Variants in RUFY4 observed in about 807,000 individuals in gnomAD.
RUFY4 encodes the protein RUN and FYVE domain containing 4.
Under a neutral mutation model 69.0 loss-of-function variants are expected in RUFY4, and 73 were observed. That is an observed-to-expected ratio of 1.06 (90% CI 0.88 to 1.29). The LOEUF is 1.29. RUFY4 is among the 50% of genes most tolerant of loss of function. The pLI is 0.00. For synonymous variants in RUFY4, 287 were observed against 271.8 expected (o/e 1.06, Z -0.55); for missense variants, 770 against 705.6 (o/e 1.09, Z -1.03).
At chr2:218,070,399 C>A, upstream of RUFY4, 1 of 623,930 alleles carries the variant, frequency 1.6e-6, no homozygotes, top group Non-Finnish European at 2.9e-6. Context: ...GTGGAGGCCA[C>A]ACCATCATCT....
upstream of RUFY4, chr2:218,070,425 C>T: frequency 1.5e-6 from 1 of 649,436 alleles, no homozygotes; most frequent in Non-Finnish European, 2.8e-6. Context: ...CACTGGCCTA[C>T]AAGATAGAGC....
chr2:218,057,004 G>A (rs902678067), intron 2 of RUFY4, among the ~76,000 whole-genome samples: 5 of 151,890 alleles, frequency 3.3e-5, no homozygotes, highest in South Asian at 4.2e-4. Context: ...TCTTGAACCC[G>A]GGAGGCCGAG....
intron 2 of RUFY4, among the ~76,000 whole-genome samples, chr2:218,043,940 G>A (rs746335738): frequency 9.1e-4 from 138 of 152,366 alleles, no homozygotes; most frequent in Middle Eastern, 3.4e-3. Flanking sequence ...GGGCTGAGGA[G>A]GCAGGGGGCT....
At chr2:218,076,586 G>A in intron 8 of RUFY4, 53 bp downstream of exon 10, 1 of 1,538,814 alleles carries the variant, frequency 6.5e-7, no homozygotes, top group Non-Finnish European at 8.8e-7. Context: ...CCTAGGTCCT[G>A]CTGTCAATCA....
At chr2:218,070,964 G>T in intron 2 of RUFY4, 105 bp downstream of exon 4, 1 of 799,344 alleles carries the variant, frequency 1.3e-6, no homozygotes, top group Non-Finnish European at 2.0e-6. Flanking sequence ...TCCTTACCAT[G>T]CACTGTGTCA....
chr2:218,079,048 T>C (rs1395077359), intron 8 of RUFY4, among the ~76,000 whole-genome samples: 2 of 152,150 alleles, frequency 1.3e-5, no homozygotes, highest in Non-Finnish European at 2.9e-5. Flanking sequence ...TTTGTATTTT[T>C]AGTAGAGATG....
intron 2 of RUFY4, among the ~76,000 whole-genome samples, chr2:218,043,362 A>G (rs1440989083): frequency 1.3e-5 from 2 of 150,982 alleles, no homozygotes; most frequent in African/African-American, 2.4e-5. Context: ...GCAGCTCTCA[A>G]CAGAAAGGAG....
At chr2:218,042,595 G>A (rs1688723204) in intron 2 of RUFY4, among the ~76,000 whole-genome samples, 1 of 152,192 alleles carries the variant, frequency 6.6e-6, no homozygotes, top group Non-Finnish European at 1.5e-5. Context: ...TAGCTTGAAT[G>A]TCTCTGGTTA....
intron 2 of RUFY4, among the ~76,000 whole-genome samples, chr2:218,055,894 C>T (rs1246551478): frequency 6.6e-6 from 1 of 152,168 alleles, no homozygotes; most frequent in Non-Finnish European, 1.5e-5. Flanking sequence ...GACTCCTACC[C>T]CTCTCATTGA....
chr2:218,057,554 T>C (rs948965245), intron 2 of RUFY4, among the ~76,000 whole-genome samples: 7 of 152,224 alleles, frequency 4.6e-5, no homozygotes, highest in African/African-American at 1.7e-4. Context: ...TCAGGTGTAA[T>C]TTACCAACTA....
intron 2 of RUFY4, among the ~76,000 whole-genome samples, chr2:218,047,272 T>G (rs766814192): frequency 8.5e-5 from 13 of 152,144 alleles, no homozygotes; most frequent in Non-Finnish European, 1.8e-4. Context: ...AGAGAAAACC[T>G]AATTCTAACT....
intron 2 of RUFY4, among the ~76,000 whole-genome samples, chr2:218,053,164 A>G (rs1364450391): frequency 1.3e-5 from 2 of 152,032 alleles, no homozygotes; most frequent in East Asian, 1.9e-4. Flanking sequence ...GCCTTTTAAC[A>G]TCTTTGACAA....
chr2:218,076,386 C>A (rs374259148), intron 7 of RUFY4, 41 bp from the exon 10 acceptor site: 1 of 1,544,542 alleles, frequency 6.5e-7, no homozygotes, highest in Non-Finnish European at 8.7e-7. Flanking sequence ...GGTCTCTGCC[C>A]TTCTCCTTCA....
intron 8 of RUFY4, among the ~76,000 whole-genome samples, chr2:218,079,927 A>G (rs898880522): frequency 2.0e-5 from 3 of 152,226 alleles, no homozygotes; most frequent in African/African-American, 7.2e-5. Flanking sequence ...AGGGAAAAAA[A>G]CAAAGGCAGG....
At chr2:218,067,701 T>C (rs961336254), upstream of RUFY4, among the ~76,000 whole-genome samples, 27 of 152,108 alleles carry the variant, frequency 1.8e-4, no homozygotes, top group Middle Eastern at 3.4e-3. Flanking sequence ...CTCATCCCCA[T>C]CCCTGTCCCT....
At position 218,073,260 on chromosome 2, in the gene RUFY4, G is replaced by A. The variant is rs752316048; in HGVS notation, c.404G>A (p.Arg135Gln). 2.1e-5 allele frequency: 33 copies of A among 1,551,816 alleles called. No homozygotes were observed. Among genetic ancestry groups the A allele is most frequent in the South Asian group, 4.8e-5 (4 of 84,068 alleles). Residue 135 changes from arginine to glutamine, a missense_variant, in exon 5 of 11, where the codon CGG (arginine) becomes CAG (glutamine). Arg to Gln is a conservative substitution (Grantham distance 43). Transcript: ENST00000344321. ...TAACACAGGGAATGGTATGGACCCC[G>A]GAGCCCTCTGCTCTGCCCAGAACGC... is the stretch of plus-strand genomic sequence containing the variant.
exon 5 of RUFY4, chr2:218,073,377 T>C (rs764924187): frequency 9.4e-6 from 15 of 1,592,726 alleles, no homozygotes; most frequent in African/African-American, 6.7e-5. Context: ...GCCTGGCCCA[T>C]GTTCTCAGAG....
At chr2:218,079,187 C>A (rs551330613) in intron 8 of RUFY4, among the ~76,000 whole-genome samples, 1 of 152,228 alleles carries the variant, frequency 6.6e-6, no homozygotes, top group South Asian at 2.1e-4. Context: ...GTTTTAAAGG[C>A]CCCTTGGAGC....
At chr2:218,072,805 T>C (rs1442294482) in exon 4 of RUFY4, 3 of 1,535,134 alleles carry the variant, frequency 2.0e-6, no homozygotes, top group East Asian at 2.4e-5. Context: ...GGAAAGGCCG[T>C]GCCTTCATCC....
Sources: gnomAD v4.1 joint callset for allele counts (sites outside exome capture counted in the v4.1 genomes callset) on GRCh38, gnomAD v4.1.1 for gene constraint, MANE v1.5 for transcripts, NCBI Gene and HGNC (gene_info 2026-07-23, HGNC 2026-07-21) for gene names.